Variants in E2F3 observed in about 807,000 individuals in gnomAD.
E2F3 encodes the protein E2F transcription factor 3.
A neutral mutation model predicts 44.4 loss-of-function variants in E2F3; 11 were observed. The observed-to-expected ratio is 0.25, with a 90% CI of 0.16 to 0.41. The LOEUF is 0.41. Ranked by LOEUF, E2F3 falls within the 10% of genes least tolerant of loss-of-function variation. The probability of loss-of-function intolerance (pLI) is 1.00; values close to 1 mark genes in which losing one functional copy is unlikely to be tolerated. For synonymous variants in E2F3, 249 were observed against 253.0 expected, an observed-to-expected ratio of 0.98 and a Z score of 0.15; for missense variants, 487 against 583.6, an observed-to-expected ratio of 0.83 and a Z score of 1.70.
At chr6:20,482,378 T>C (rs948814078) in intron 3 of E2F3, among the ~76,000 whole-genome samples, 12 of 149,902 alleles carry the variant, frequency 8.0e-5, no homozygotes, top group Non-Finnish European at 1.6e-4. Flanking sequence ...CATTCCATCT[T>C]CTCTGTCTTT....
At chr6:20,448,282 T>C (rs529915179) in intron 1 of E2F3, among the ~76,000 whole-genome samples, 8 of 152,300 alleles carry the variant, frequency 5.3e-5, no homozygotes, top group African/African-American at 1.4e-4. Context: ...CAGACTAGCA[T>C]GTTGCCTTGC....
intron 1 of E2F3, among the ~76,000 whole-genome samples, chr6:20,451,424 G>C (rs758259649): frequency 1.3e-5 from 2 of 152,100 alleles, no homozygotes; most frequent in Non-Finnish European, 2.9e-5. Context: ...CTGAGACTTC[G>C]CTGAATTTAT....
At chr6:20,478,120 G>T (rs1250446684) in intron 1 of E2F3, among the ~76,000 whole-genome samples, 2 of 152,120 alleles carry the variant, frequency 1.3e-5, no homozygotes, top group Non-Finnish European at 2.9e-5. Flanking sequence ...GATTCCTTGA[G>T]CCTGGGAGGA....
chr6:20,425,695 G>A (rs1304332698), intron 1 of E2F3, among the ~76,000 whole-genome samples: 1 of 152,188 alleles, frequency 6.6e-6, no homozygotes, highest in Non-Finnish European at 1.5e-5. Flanking sequence ...ACTGCGCCCG[G>A]CCCCTTCTAC....
chr6:20,442,966 T>C (rs1465782273), intron 1 of E2F3, among the ~76,000 whole-genome samples: 1 of 32,834 alleles, frequency 3.0e-5, no homozygotes, highest in Non-Finnish European at 7.2e-5. Flanking sequence ...GCAAACTGTC[T>C]CAAAAAAAAA....
At chr6:20,472,679 A>C (rs1489576193) in intron 1 of E2F3, among the ~76,000 whole-genome samples, 1 of 152,136 alleles carries the variant, frequency 6.6e-6, no homozygotes, top group African/African-American at 2.4e-5. Flanking sequence ...AAAAATAAAA[A>C]ATAAGAATTC....
In E2F3 at chr6:20,404,961, A is replaced by G. The variant is rs991863765; in HGVS notation, c.393+2336A>G. On this transcript the variant is annotated intron_variant, in intron 1 of 6. Transcript: ENST00000346618. ...TAACCTTAAACAACCAGCTATTGAC[A>G]TACTTCTTGGATTAGATTCACAGAT... Among the ~76,000 whole-genome samples the G allele has an allele frequency of 5.3e-5, 8 of 152,288 alleles. No individual in the cohort carries two copies. The East Asian group carries it at 1.4e-3, about 26-fold the overall frequency.
At chr6:20,403,665 C>A in intron 1 of E2F3, 2 of 543,352 alleles carry the variant, frequency 3.7e-6, no homozygotes, top group South Asian at 2.3e-5. Flanking sequence ...GGCGCCCTCG[C>A]ACCCGCCCCC....
At chr6:20,482,342 G>GTTTTTTTTTTTTTTT (rs71734781) in intron 3 of E2F3, among the ~76,000 whole-genome samples, 1 of 130,152 alleles carries the variant, frequency 7.7e-6, no homozygotes, top group East Asian at 2.3e-4. Context: ...TTGTTTTTTT[G>GTTTTTTTTTTTTTTT]TTTTTTTTTT....
At chr6:20,438,178 C>T (rs969119110) in intron 1 of E2F3, among the ~76,000 whole-genome samples, 50 of 152,188 alleles carry the variant, frequency 3.3e-4, no homozygotes, top group Non-Finnish European at 1.3e-4. Flanking sequence ...TAATAATACT[C>T]ACCCAATTTA....
At chr6:20,430,482 G>A (rs1206522841) in intron 1 of E2F3, among the ~76,000 whole-genome samples, 1 of 152,076 alleles carries the variant, frequency 6.6e-6, no homozygotes, top group Non-Finnish European at 1.5e-5. Flanking sequence ...AATTTCTGAA[G>A]GGAATTTAGA....
intron 1 of E2F3, among the ~76,000 whole-genome samples, chr6:20,474,095 T>TG (rs748119681): frequency 0.059 from 1,402 of 23,708 alleles, 25 homozygotes; most frequent in East Asian, 0.17. Context: ...TGGGGTTTTG[T>TG]GGTTTTTTTT....
At chr6:20,418,965 C>T (rs575560341) in intron 1 of E2F3, among the ~76,000 whole-genome samples, 3 of 152,092 alleles carry the variant, frequency 2.0e-5, no homozygotes, top group Admixed American at 6.5e-5. Flanking sequence ...ATCTTGCTTC[C>T]TTCCCAGAGA....
chr6:20,490,472 T>A lies in E2F3; in HGVS notation c.*42T>A. On this transcript the variant is annotated 3_prime_UTR_variant, in exon 7 of 7. Coordinates refer to ENST00000346618, the MANE Select transcript of E2F3 (RefSeq NM_001949.5). This position sits in a 1 kb window ranked among gnomAD's most constrained non-coding sequence, Gnocchi z 4.3. ...CTCTCCTTAAAAACCGATATTTTTT[T>A]ATCATGGAACCAGAACATCTGTCAT... 6.6e-7 allele frequency: 1 copy of A among 1,517,530 alleles called. No homozygotes were observed. Among genetic ancestry groups the A allele is most frequent in the Non-Finnish European group, 8.8e-7 (1 of 1,131,586 alleles). 94.0% of individuals were successfully genotyped at this position (1,517,530 alleles called of 1,614,324 possible).
intron 1 of E2F3, among the ~76,000 whole-genome samples, chr6:20,408,576 A>G (rs950500387): frequency 2.6e-5 from 4 of 152,164 alleles, no homozygotes; most frequent in East Asian, 3.9e-4. Flanking sequence ...ATCCAATGCA[A>G]TGTAACTTTG....
intron 1 of E2F3, among the ~76,000 whole-genome samples, chr6:20,459,902 T>C (rs1218321352): frequency 6.6e-6 from 1 of 152,070 alleles, no homozygotes; most frequent in African/African-American, 2.4e-5. Context: ...ACCACTGCAC[T>C]CCAGCCTGGG....
At chr6:20,461,859 G>T (rs1761521045) in intron 1 of E2F3, among the ~76,000 whole-genome samples, 1 of 152,148 alleles carries the variant, frequency 6.6e-6, no homozygotes, top group South Asian at 2.1e-4. Context: ...CTTCTCCCGA[G>T]GGGCCCTCCC....
chr6:20,434,899 G>C (rs1760523167), intron 1 of E2F3, among the ~76,000 whole-genome samples: 1 of 152,192 alleles, frequency 6.6e-6, no homozygotes, highest in Non-Finnish European at 1.5e-5. Context: ...GTGGCAGATG[G>C]AGAGGGGTGG....
intron 1 of E2F3, among the ~76,000 whole-genome samples, chr6:20,413,305 T>G (rs993540807): frequency 1.3e-5 from 2 of 152,210 alleles, no homozygotes; most frequent in Non-Finnish European, 2.9e-5. Flanking sequence ...TAAGATCTTC[T>G]GATGAAACAT....
Sources: gnomAD v4.1 joint callset for allele counts (sites outside exome capture counted in the v4.1 genomes callset) on GRCh38, gnomAD v4.1.1 for gene constraint, Gnocchi (gnomAD v3.1) non-coding constraint, MANE v1.5 for transcripts, NCBI Gene and HGNC (gene_info 2026-07-23, HGNC 2026-07-21) for gene names.